The following CUX2 variants were observed in gnomAD, a reference collection of about 807,000 sequenced individuals.
The protein encoded by CUX2 is homeobox protein cut-like 2.
Under a neutral mutation model 144.8 loss-of-function variants are expected in CUX2, and 40 were observed. That is an observed-to-expected ratio of 0.28 (90% CI 0.21 to 0.36). CUX2 has a LOEUF of 0.36. Among genes scored for constraint, CUX2 ranks in the 10% least tolerant of loss-of-function variants. The pLI, the probability that CUX2 is intolerant of heterozygous loss-of-function variation, is 1.00. For synonymous variants in CUX2, 827 were observed against 875.6 expected (o/e 0.94, Z 0.98); for missense variants, 1,615 against 1,994.0 (o/e 0.81, Z 3.62).
chr12:111,234,673 T>C (rs900991820), intron 3 of CUX2, among the ~76,000 whole-genome samples: 2 of 151,674 alleles, frequency 1.3e-5, no homozygotes, highest in African/African-American at 4.8e-5. Context: ...CAAGACCAGT[T>C]TGAACACCGG....
intron 1 of CUX2, among the ~76,000 whole-genome samples, chr12:111,113,986 C>T (rs894101203): frequency 4.6e-5 from 7 of 152,182 alleles, no homozygotes; most frequent in African/African-American, 1.7e-4. Flanking sequence ...TATTCATTGA[C>T]CTGGTGAAAG....
intron 1 of CUX2, among the ~76,000 whole-genome samples, chr12:111,114,795 T>C (rs1385399522): frequency 1.3e-5 from 2 of 152,256 alleles, no homozygotes; most frequent in Non-Finnish European, 2.9e-5. Context: ...TGCTTTAGCA[T>C]TTATGTTTGG....
intron 1 of CUX2, among the ~76,000 whole-genome samples, chr12:111,053,066 C>T (rs1870354250): frequency 6.6e-6 from 1 of 152,032 alleles, no homozygotes. Flanking sequence ...TCTGCTCTTG[C>T]CAGATACATG....
At position 111,298,548 on chromosome 12, in the gene CUX2, G is replaced by A; in HGVS notation, c.712G>A (p.Glu238Lys). The A allele has an allele frequency of 6.3e-7, 1 of 1,579,920 alleles. No individual in the cohort carries two copies. The highest frequency in any genetic ancestry group is 1.8e-5 in the Admixed American group (1 of 54,986). The change falls in exon 9 of 22, where the codon GAA becomes AAA. Residue 238 changes from glutamate (E) to lysine (K), a missense_variant. This residue lies in a region of CUX2 where 295 missense variants were observed against 400.2 expected (regional missense o/e 0.74). Coordinates refer to ENST00000261726, the MANE Select transcript of CUX2 (RefSeq NM_015267.4). Reference sequence around the variant, plus strand: ...CTCATCTTTGTGTCTCAGGGCAGATGAAGTCGGCCTGATCATGACCAACCT... The same window carrying A: ...CTCATCTTTGTGTCTCAGGGCAGATAAAGTCGGCCTGATCATGACCAACCT... ...YDEEAASKAD[E>K]VGLIMTNLEK...
intron 16 of CUX2, among the ~76,000 whole-genome samples, chr12:111,313,410 C>T (rs187225789): frequency 9.3e-5 from 14 of 150,574 alleles, no homozygotes; most frequent in Admixed American, 1.3e-4. Flanking sequence ...GAGGCCGAGG[C>T]GGGCGGATCA....
chr12:111,342,073 C>T lies in CUX2; in HGVS notation c.3659+20C>T, dbSNP rs1222753874. Reference sequence around the variant, plus strand: ...CTACAGGTGGGACTATGGGGGCGTACCCACAGGCGGGTGGCAGAATCCAGG... The same window carrying T: ...CTACAGGTGGGACTATGGGGGCGTATCCACAGGCGGGTGGCAGAATCCAGG... On this transcript the variant is annotated intron_variant, in intron 21 of 21. Transcript: ENST00000261726. 4 of 1,592,630 alleles carry T rather than the reference C, an allele frequency of 2.5e-6. No homozygotes were observed. Among genetic ancestry groups the T allele is most frequent in the Admixed American group, 3.4e-5 (2 of 58,176 alleles).
chr12:111,039,440 G>C lies in CUX2; in HGVS notation c.63+5200G>C, dbSNP rs1869631300. ...AATCATCCCACATCCCAAGTCTCCT[G>C]CTTCTTAACCCTTGAAGTCAGCTGG... On this transcript the variant is annotated intron_variant, in intron 1 of 21. Transcript: ENST00000261726. This position sits in a 1 kb window ranked among gnomAD's most constrained non-coding sequence, Gnocchi z 4.2. Among the ~76,000 whole-genome samples, 1 of 152,178 alleles carries C rather than the reference G, an allele frequency of 6.6e-6. No individual in the cohort carries two copies. Among genetic ancestry groups the C allele is most frequent in the African/African-American group, 2.4e-5 (1 of 41,438 alleles).
rs1388158983 is a variant in CUX2 at position 111,218,152 on chromosome 12, C to G, written c.222+215C>G. ...CTGTTCATTTTGACAGAATTCAAGTCTGATCCCAAGAAATCTCCCTCTCCC... is the reference window on the plus strand; with the variant it reads ...CTGTTCATTTTGACAGAATTCAAGTGTGATCCCAAGAAATCTCCCTCTCCC... On this transcript the variant is annotated intron_variant, in intron 3 of 21. Coordinates refer to ENST00000261726, the MANE Select transcript of CUX2 (RefSeq NM_015267.4). 2.6e-5 allele frequency among the ~76,000 whole-genome samples: 4 copies of G among 152,162 alleles called. No homozygotes were observed. In the South Asian group the frequency reaches 8.3e-4, roughly 32 times the overall value.
At chr12:111,102,247 T>G (rs1873299463) in intron 1 of CUX2, among the ~76,000 whole-genome samples, 1 of 152,074 alleles carries the variant, frequency 6.6e-6, no homozygotes, top group African/African-American at 2.4e-5. Flanking sequence ...TCTGGTGAGG[T>G]GGGCAGGGAC....
At chr12:111,076,803 T>C (rs1858984) in intron 1 of CUX2, among the ~76,000 whole-genome samples, 3,592 of 152,320 alleles carry the variant, frequency 0.024, 146 homozygotes, top group African/African-American at 0.081. Context: ...ATTGGATTTC[T>C]TGCTTGCTTA....
intron 3 of CUX2, among the ~76,000 whole-genome samples, chr12:111,232,182 G>A (rs1390775043): frequency 6.7e-6 from 1 of 149,834 alleles, no homozygotes; most frequent in African/African-American, 2.5e-5. Flanking sequence ...CTCCAGCCTG[G>A]TGACAGAGTG....
intron 1 of CUX2, among the ~76,000 whole-genome samples, chr12:111,084,491 ATCTT>A (rs1233570387): frequency 6.6e-6 from 1 of 150,836 alleles, no homozygotes; most frequent in Non-Finnish European, 1.5e-5. Flanking sequence ...TTTAAACAGA[ATCTT>A]TTTTTTTTTT....
chr12:111,283,176 C>T (rs1433211217), intron 4 of CUX2, among the ~76,000 whole-genome samples: 1 of 151,976 alleles, frequency 6.6e-6, no homozygotes, highest in Non-Finnish European at 1.5e-5. Context: ...CAAGATCGCG[C>T]CACTGTACTC....
chr12:111,205,333 G>A (rs188794935), intron 1 of CUX2, among the ~76,000 whole-genome samples: 7 of 152,136 alleles, frequency 4.6e-5, no homozygotes, highest in African/African-American at 9.6e-5. Flanking sequence ...AGTGTTTGCC[G>A]GCAACTCTGA....
At chr12:111,282,534 G>A (rs1885163499) in intron 4 of CUX2, among the ~76,000 whole-genome samples, 1 of 150,762 alleles carries the variant, frequency 6.6e-6, no homozygotes, top group Non-Finnish European at 1.5e-5. Context: ...GCTGGGGCAG[G>A]AGAATCACTT....
At chr12:111,147,354 C>T (rs554708290) in intron 1 of CUX2, among the ~76,000 whole-genome samples, 3 of 152,276 alleles carry the variant, frequency 2.0e-5, no homozygotes, top group Non-Finnish European at 2.9e-5. Flanking sequence ...AGCCAGGTGG[C>T]CCACTCAGAG....
At chr12:111,338,529 A>C in intron 20 of CUX2, 55 bp downstream of exon 20, 1 of 1,527,808 alleles carries the variant, frequency 6.5e-7, no homozygotes, top group Non-Finnish European at 8.9e-7. Flanking sequence ...TTTCCCCAGA[A>C]CCATATCTAG....
intron 1 of CUX2, among the ~76,000 whole-genome samples, chr12:111,096,452 A>G (rs946004866): frequency 7.2e-5 from 11 of 152,298 alleles, no homozygotes; most frequent in African/African-American, 2.6e-4. Flanking sequence ...TGCTCCCCGT[A>G]TGGAATCTTA....
At chr12:111,052,290 G>C (rs1207077594) in intron 1 of CUX2, among the ~76,000 whole-genome samples, 4 of 152,148 alleles carry the variant, frequency 2.6e-5, no homozygotes, top group Admixed American at 1.3e-4. Context: ...TACCATAGCA[G>C]GTGTCAGACA....
Sources: gnomAD v4.1 joint callset for allele counts (sites outside exome capture counted in the v4.1 genomes callset) on GRCh38, gnomAD v4.1.1 for gene constraint, gnomAD v4.1.1 regional missense constraint, Gnocchi (gnomAD v3.1) non-coding constraint, MANE v1.5 for transcripts, NCBI Gene and HGNC (gene_info 2026-07-23, HGNC 2026-07-21) for gene names.